Variants in TTC39B observed in about 807,000 individuals in gnomAD.
TTC39B encodes tetratricopeptide repeat protein 39B.
A neutral mutation model predicts 96.6 loss-of-function variants in TTC39B; 92 were observed. The ratio of observed to expected loss-of-function variants is 0.95; its 90% CI spans 0.80 to 1.13. The LOEUF (loss-of-function observed/expected upper bound fraction) is 1.13, where lower values mean the gene tolerates loss of function less well. Ranked by LOEUF, TTC39B falls within the 50% of genes most tolerant of loss-of-function variation. The pLI, the probability that TTC39B is intolerant of heterozygous loss-of-function variation, is 0.00. For synonymous variants in TTC39B, 367 were observed against 299.4 expected, an observed-to-expected ratio of 1.23 and a Z score of -2.33; for missense variants, 955 against 809.3, an observed-to-expected ratio of 1.18 and a Z score of -2.18.
At chr9:15,299,338 T>A (rs1181091018) in intron 1 of TTC39B, among the ~76,000 whole-genome samples, 1 of 152,130 alleles carries the variant, frequency 6.6e-6, no homozygotes, top group Non-Finnish European at 1.5e-5. Flanking sequence ...ACAAAAAGCA[T>A]TTACTACACA....
chr9:15,254,532 A>G (rs2131516027), intron 2 of TTC39B, among the ~76,000 whole-genome samples: 1 of 152,310 alleles, frequency 6.6e-6, no homozygotes, highest in East Asian at 1.9e-4. Context: ...ACATATTACC[A>G]AATAATTTTT....
intron 17 of TTC39B, 57 bp from the exon 18 acceptor site, chr9:15,177,871 T>TTC: frequency 1.8e-6 from 1 of 569,756 alleles, no homozygotes; most frequent in Non-Finnish European, 2.4e-6. Context: ...TTTAAGATCT[T>TTC]TTTTTTTTTT....
intron 1 of TTC39B, among the ~76,000 whole-genome samples, chr9:15,285,598 T>C (rs1472410537): frequency 6.6e-6 from 1 of 152,202 alleles, no homozygotes; most frequent in Non-Finnish European, 1.5e-5. Context: ...CTCACGCCTG[T>C]AATCCCTGCA....
At chr9:15,213,959 A>G (rs566331562) in intron 4 of TTC39B, among the ~76,000 whole-genome samples, 180 bp downstream of exon 4, 1 of 152,370 alleles carries the variant, frequency 6.6e-6, no homozygotes, top group East Asian at 1.9e-4. Context: ...TCTATTAATT[A>G]TATTTGAAAA....
chr9:15,250,617 G>A (rs7029056), intron 2 of TTC39B, among the ~76,000 whole-genome samples: 3 of 151,970 alleles, frequency 2.0e-5, no homozygotes, highest in African/African-American at 7.3e-5. Flanking sequence ...GTCATACCAA[G>A]ATAGTTGGAA....
In TTC39B at chr9:15,204,629, A is replaced by G. The variant is rs142898241; in HGVS notation, c.692-739T>C. Among the ~76,000 whole-genome samples the G allele has an allele frequency of 2.6e-5, 4 of 152,362 alleles. No homozygotes were observed. The East Asian group carries it at 7.7e-4, about 29-fold the overall frequency. ...GCTTCTAAAATATGAAGGTATGGTA[A>G]CCATGACACTAACCAGACACATTAG... On this transcript the variant is annotated intron_variant, in intron 6 of 19. Coordinates refer to ENST00000512701, the Ensembl canonical transcript of TTC39B.
intron 8 of TTC39B, among the ~76,000 whole-genome samples, chr9:15,196,992 C>T (rs1185903586): frequency 6.6e-6 from 1 of 152,242 alleles, no homozygotes; most frequent in African/African-American, 2.4e-5. Context: ...AAGATTATGA[C>T]TTGCTGAAGG....
At chr9:15,303,986 C>T (rs1038802922) in intron 1 of TTC39B, among the ~76,000 whole-genome samples, 2 of 152,164 alleles carry the variant, frequency 1.3e-5, no homozygotes, top group Non-Finnish European at 2.9e-5. Context: ...AATTCAAATA[C>T]TGTCAATGTT....
chr9:15,285,829 C>T (rs478971), intron 1 of TTC39B, among the ~76,000 whole-genome samples: 118,403 of 151,500 alleles, frequency 0.78, 46,558 homozygotes, highest in East Asian at 0.89. Context: ...CACTCCAGCC[C>T]AGGGGACAGA....
Position 15,250,198 on chromosome 9 carries a change from A to G in TTC39B, c.275+17716T>C, listed in dbSNP as rs559002308. 2.6e-4 allele frequency: 303 copies of G among 1,158,716 alleles called. 8 individuals are homozygous for G. In the South Asian group the frequency reaches 3.4e-3, roughly 13 times the overall value. 71.8% of individuals were successfully genotyped at this position (1,158,716 alleles called of 1,614,324 possible). On this transcript the variant is annotated intron_variant, in intron 2 of 19. Coordinates refer to ENST00000512701, the Ensembl canonical transcript of TTC39B. ...GTCAGTTAAAGTGGCAGCTACACTC[A>G]CTGCTGTAGCGGATGCTTCTGCAGG...
At chr9:15,272,977 G>A (rs1563779608) in intron 1 of TTC39B, among the ~76,000 whole-genome samples, 1 of 152,150 alleles carries the variant, frequency 6.6e-6, no homozygotes, top group Non-Finnish European at 1.5e-5. Context: ...CATAGAAACT[G>A]CCATCCTGAT....
chr9:15,294,809 G>A (rs778213956), intron 1 of TTC39B, among the ~76,000 whole-genome samples: 5 of 152,208 alleles, frequency 3.3e-5, no homozygotes, highest in African/African-American at 4.8e-5. Flanking sequence ...CAGCCACAGA[G>A]TGCAGCCTTG....
chr9:15,301,755 C>CA (rs369735597), intron 1 of TTC39B, among the ~76,000 whole-genome samples: 376 of 101,450 alleles, frequency 3.7e-3, no homozygotes, highest in East Asian at 0.016. Flanking sequence ...GAGTCCATCT[C>CA]AAAAAAAAAA....
At chr9:15,225,796 C>A in intron 3 of TTC39B, 121 bp downstream of exon 3, 1 of 743,620 alleles carries the variant, frequency 1.3e-6, no homozygotes, top group Non-Finnish European at 2.0e-6. Flanking sequence ...CTTGCCTAGG[C>A]CTCTCCTGAC....
intron 1 of TTC39B, among the ~76,000 whole-genome samples, chr9:15,283,779 T>C (rs1402989611): frequency 6.6e-6 from 1 of 152,134 alleles, no homozygotes; most frequent in African/African-American, 2.4e-5. Flanking sequence ...AGAGAAAATA[T>C]TTAATAACTG....
At chr9:15,177,524 C>T (rs1818006326) in intron 18 of TTC39B, among the ~76,000 whole-genome samples, 173 bp downstream of exon 18, 1 of 152,098 alleles carries the variant, frequency 6.6e-6, no homozygotes, top group Admixed American at 6.6e-5. Context: ...TCCACCCAGA[C>T]CATAATTTTG....
intron 1 of TTC39B, among the ~76,000 whole-genome samples, chr9:15,295,895 CAT>C: frequency 6.6e-6 from 1 of 152,274 alleles, no homozygotes; most frequent in East Asian, 1.9e-4. Flanking sequence ...CAGGGGGTGA[CAT>C]ATGAGTACTT....
chr9:15,251,667 AT>A, intron 2 of TTC39B, among the ~76,000 whole-genome samples: 1 of 98,002 alleles, frequency 1.0e-5, no homozygotes, highest in African/African-American at 4.3e-5. Context: ...ATATACGCGC[AT>A]ACACACACAC....
intron 7 of TTC39B, 65 bp from the exon 8 acceptor site, chr9:15,199,990 G>T (rs1819439656): frequency 1.2e-6 from 1 of 847,460 alleles, no homozygotes; most frequent in Non-Finnish European, 1.8e-6. Flanking sequence ...CCCCACAGTT[G>T]TGTGTTTGTG....
Sources: gnomAD v4.1 joint callset for allele counts (sites outside exome capture counted in the v4.1 genomes callset) on GRCh38, gnomAD v4.1.1 for gene constraint, MANE v1.5 for transcripts, NCBI Gene and HGNC (gene_info 2026-07-23, HGNC 2026-07-21) for gene names.